HMCN1: variants seen among roughly 807,000 people sequenced by gnomAD.
HMCN1 encodes the protein hemicentin-1.
Under a neutral mutation model 625.9 loss-of-function variants are expected in HMCN1, and 321 were observed. That is an observed-to-expected ratio of 0.51 (90% CI 0.47 to 0.56). The LOEUF is 0.56. HMCN1 is among the 20% of genes least tolerant of loss of function. HMCN1 has a pLI of 0.00. For synonymous variants in HMCN1, 2,425 were observed against 2,417.6 expected (o/e 1.00, Z -0.09); for missense variants, 6,588 against 6,887.3 (o/e 0.96, Z 1.54).
intron 22 of HMCN1, 39 bp from the exon 23 acceptor site, chr1:185,993,143 T>C (rs755392903): frequency 1.3e-6 from 2 of 1,596,210 alleles, no homozygotes; most frequent in Non-Finnish European, 1.7e-6. Context: ...ATTTAAATTC[T>C]CCTCTTCCAT....
At chr1:185,980,037 C>T (rs552224433) in intron 16 of HMCN1, among the ~76,000 whole-genome samples, 1 of 152,188 alleles carries the variant, frequency 6.6e-6, no homozygotes, top group Non-Finnish European at 1.5e-5. Flanking sequence ...CTCCAATACC[C>T]TCTTTAATTA....
At position 185,892,891 on chromosome 1, in the gene HMCN1, C is replaced by T. The variant is rs181315168; in HGVS notation, c.622-16446C>T. ...TTACCTACGGAAGCCTGGTCAATGG[C>T]GGGCGCCCCTCCCCCAGCCTCGCTG... is the stretch of plus-strand genomic sequence containing the variant. On this transcript the variant is annotated intron_variant, in intron 4 of 106. Coordinates refer to ENST00000271588, the MANE Select transcript of HMCN1 (RefSeq NM_031935.3). 5.3e-5 allele frequency among the ~76,000 whole-genome samples: 8 copies of T among 152,294 alleles called. No individual in the cohort carries two copies. In the South Asian group the frequency reaches 1.0e-3, roughly 20 times the overall value.
intron 60 of HMCN1, 85 bp downstream of exon 60, chr1:186,087,730 C>A: frequency 1.5e-6 from 2 of 1,331,350 alleles, no homozygotes; most frequent in Non-Finnish European, 2.2e-6. Context: ...TTCCCTTTTA[C>A]TACAGTGAAA....
intron 1 of HMCN1, among the ~76,000 whole-genome samples, chr1:185,806,839 T>A (rs966135908): frequency 6.6e-6 from 1 of 152,172 alleles, no homozygotes; most frequent in African/African-American, 2.4e-5. Flanking sequence ...TTATTTAGTG[T>A]GGCTTAATGT....
Position 186,057,278 on chromosome 1 carries a change from A to G in HMCN1, c.7189A>G (p.Ser2397Gly), listed in dbSNP as rs1383061062. 3 of 1,611,272 alleles carry G rather than the reference A, an allele frequency of 1.9e-6. No homozygotes were observed. The highest frequency in any genetic ancestry group is 2.7e-5 in the African/African-American group (2 of 74,916). The change falls in exon 46 of 107, where the codon AGT (serine) becomes GGT (glycine). Residue 2397 changes from serine to glycine, a missense_variant. Physicochemically the swap from Ser to Gly is moderately conservative, Grantham distance 56 (BLOSUM62 0). Around this residue, in one of 3 missense-constraint regions of HMCN1, gnomAD observed 4,628 missense variants for 4,853.1 expected, o/e 0.95. Transcript: ENST00000271588. ...AAACCACAGGTCACCTGAAAATATT[A>G]GTGTGGTAGAAAAGAACTCAGTATC... ...IGNHRSPENISVVEKNSVSLT... is the reference protein window; with the variant it reads ...IGNHRSPENIGVVEKNSVSLT...
At chr1:185,948,001 GAC>G (rs1668431195) in intron 11 of HMCN1, among the ~76,000 whole-genome samples, 1 of 152,164 alleles carries the variant, frequency 6.6e-6, no homozygotes, top group African/African-American at 2.4e-5. Flanking sequence ...TAAGCTGATT[GAC>G]CTAAATCAGT....
At chr1:186,000,862 G>T (rs1653147432) in intron 26 of HMCN1, among the ~76,000 whole-genome samples, 1 of 151,796 alleles carries the variant, frequency 6.6e-6, no homozygotes, top group Admixed American at 6.6e-5. Context: ...AACTTTAAAT[G>T]AAAATACTGT....
chr1:186,034,885 G>A (rs1655718227), intron 36 of HMCN1, among the ~76,000 whole-genome samples: 1 of 152,052 alleles, frequency 6.6e-6, no homozygotes, highest in African/African-American at 2.4e-5. Context: ...CCTTAGTCTG[G>A]CATTCTTGCT....
intron 4 of HMCN1, among the ~76,000 whole-genome samples, chr1:185,882,213 C>A (rs1440641226): frequency 6.6e-6 from 1 of 152,122 alleles, no homozygotes; most frequent in East Asian, 1.9e-4. Flanking sequence ...CCATAGTAGA[C>A]TTTACAGATA....
intron 103 of HMCN1, chr1:186,177,183 G>A (rs1240896670): frequency 2.0e-5 from 3 of 152,462 alleles, no homozygotes; most frequent in African/African-American, 7.2e-5. Flanking sequence ...GCACACACCT[G>A]TAGTTCCAGC....
intron 1 of HMCN1, among the ~76,000 whole-genome samples, chr1:185,835,444 T>G (rs1207208140): frequency 6.7e-6 from 1 of 149,136 alleles, no homozygotes; most frequent in East Asian, 2.0e-4. Context: ...GGGGAGGGGG[T>G]GGGATGGCTC....
intron 3 of HMCN1, among the ~76,000 whole-genome samples, chr1:185,865,287 AG>A (rs1663108873): frequency 6.6e-6 from 1 of 152,212 alleles, no homozygotes; most frequent in African/African-American, 2.4e-5. Flanking sequence ...GTCTCAGCCC[AG>A]AACTTGTAGA....
At chr1:185,899,165 T>C (rs1249345884) in intron 4 of HMCN1, among the ~76,000 whole-genome samples, 1 of 152,164 alleles carries the variant, frequency 6.6e-6, no homozygotes, top group East Asian at 1.9e-4. Flanking sequence ...CTAGTACATG[T>C]TCCTTAGTGT....
intron 29 of HMCN1, 61 bp downstream of exon 29, chr1:186,003,905 G>A: frequency 1.3e-6 from 2 of 1,508,352 alleles, no homozygotes; most frequent in Non-Finnish European, 1.8e-6. Context: ...TGTGAAAAAT[G>A]CATGTGGATT....
At position 186,020,726 on chromosome 1, in the gene HMCN1, A is replaced by G. The variant is rs541192440; in HGVS notation, c.5625+1031A>G. ...GTTCAGAAGACTCCATAGAAGTTAA[A>G]TGGGTGAATTAATGGAAGAGAACGG... On this transcript the variant is annotated intron_variant, in intron 35 of 106. Transcript: ENST00000271588. Among the ~76,000 whole-genome samples, 5 of 152,194 alleles carry G rather than the reference A, an allele frequency of 3.3e-5. No homozygotes were observed. In the South Asian group the frequency reaches 1.0e-3, roughly 32 times the overall value.
chr1:186,142,864 T>C (rs947343369), intron 89 of HMCN1, among the ~76,000 whole-genome samples: 10 of 152,206 alleles, frequency 6.6e-5, no homozygotes, highest in African/African-American at 2.2e-4. Context: ...TAAATGGCAT[T>C]ATATTGTAAG....
At chr1:186,000,455 A>T (rs925101559) in intron 26 of HMCN1, among the ~76,000 whole-genome samples, 1 of 151,826 alleles carries the variant, frequency 6.6e-6, no homozygotes, top group African/African-American at 2.4e-5. Flanking sequence ...ATGGTAGAAA[A>T]AGATACATAG....
At chr1:185,803,201 A>AAG in intron 1 of HMCN1, among the ~76,000 whole-genome samples, 1 of 140,614 alleles carries the variant, frequency 7.1e-6, no homozygotes. Flanking sequence ...AAAAAAAAAA[A>AAG]AAGCAAAAAA....
intron 1 of HMCN1, among the ~76,000 whole-genome samples, chr1:185,839,094 A>G (rs915737818): frequency 6.6e-6 from 1 of 152,152 alleles, no homozygotes; most frequent in Non-Finnish European, 1.5e-5. Flanking sequence ...TATTCTCCCA[A>G]CATGTGGAAA....
Sources: allele counts gnomAD v4.1 joint callset (sites outside exome capture counted in the v4.1 genomes callset), GRCh38; gene constraint gnomAD v4.1.1; regional missense constraint gnomAD v4.1.1; transcripts MANE v1.5; gene names NCBI Gene and HGNC (gene_info 2026-07-23, HGNC 2026-07-21).